The following BLTP1 variants were observed in gnomAD, a reference collection of about 807,000 sequenced individuals.
The protein encoded by BLTP1 is fragile site-associated protein.
the BLTP1 span, chr4:122,293,208 A>T: frequency 1.3e-5 from 13 of 978,656 alleles, no homozygotes; most frequent in Admixed American, 1.8e-4. Context: ...CCATATTTAT[A>T]CTATGAAATA....
the BLTP1 span, among the ~76,000 whole-genome samples, chr4:122,320,198 G>C: frequency 1.0e-3 from 155 of 152,206 alleles, 3 homozygotes; most frequent in South Asian, 0.031. Context: ...GCACAGGCTG[G>C]AGTGCAGTGG....
chr4:122,226,556 T>C, the BLTP1 span: 5 of 1,461,170 alleles, frequency 3.4e-6, no homozygotes, highest in Non-Finnish European at 3.6e-6. Flanking sequence ...TAGAAAAAAA[T>C]CATTGGCTAA....
At chr4:122,223,173 A>T in the BLTP1 span, 82 of 972,190 alleles carry the variant, frequency 8.4e-5, 1 homozygote, top group Admixed American at 2.5e-4. Flanking sequence ...GAGCTTCTAG[A>T]GTGATTATTG....
At chr4:122,349,139 C>A in the BLTP1 span, 19 of 1,592,978 alleles carry the variant, frequency 1.2e-5, no homozygotes, top group East Asian at 2.2e-4. The surrounding 1 kb of genome is among the most constrained non-coding windows in gnomAD (Gnocchi z 4.5). Context: ...TATATAATAA[C>A]CTTTTTTTCA....
chr4:122,170,612 T>C, the BLTP1 span: 3 of 1,522,480 alleles, frequency 2.0e-6, no homozygotes, highest in Non-Finnish European at 2.6e-6. Context: ...TGAAATCTTT[T>C]AGGCCTTTAG....
the BLTP1 span, among the ~76,000 whole-genome samples, chr4:122,269,934 C>T: frequency 6.6e-6 from 1 of 151,984 alleles, no homozygotes; most frequent in African/African-American, 2.4e-5. Flanking sequence ...TATGGTATAC[C>T]ATTTTCTTTT....
chr4:122,308,218 T>G, the BLTP1 span: 10 of 1,562,950 alleles, frequency 6.4e-6, no homozygotes, highest in East Asian at 2.2e-4. Context: ...ACATAACCAT[T>G]TCTAAGTATT....
the BLTP1 span, among the ~76,000 whole-genome samples, chr4:122,271,930 A>G: frequency 6.6e-6 from 1 of 152,118 alleles, no homozygotes. Context: ...CTTACGTGGT[A>G]TGTTCTTAAA....
the BLTP1 span, chr4:122,196,790 G>C: frequency 6.7e-7 from 1 of 1,494,116 alleles, no homozygotes; most frequent in Non-Finnish European, 9.2e-7. Context: ...ACCAAAAATA[G>C]GGTAATTATT....
the BLTP1 span, among the ~76,000 whole-genome samples, chr4:122,213,690 A>T: frequency 6.6e-6 from 1 of 152,178 alleles, no homozygotes; most frequent in Non-Finnish European, 1.5e-5. Flanking sequence ...CATTAAAAAA[A>T]TTCTAAGAAG....
At chr4:122,356,226 T>G in the BLTP1 span, among the ~76,000 whole-genome samples, 2 of 152,174 alleles carry the variant, frequency 1.3e-5, no homozygotes, top group East Asian at 3.8e-4. Context: ...AGGACTATTA[T>G]CAGGAATAAA....
chr4:122,274,106 G>A, the BLTP1 span, among the ~76,000 whole-genome samples: 1 of 152,002 alleles, frequency 6.6e-6, no homozygotes, highest in Non-Finnish European at 1.5e-5. Context: ...ATATTGAAGT[G>A]TATATTTTGC....
chr4:122,250,423 C>T, the BLTP1 span: 1 of 1,613,662 alleles, frequency 6.2e-7, no homozygotes. Flanking sequence ...AAGCTAGTGA[C>T]ACAGAAAGGG....
chr4:122,197,100 C>A, the BLTP1 span: 1 of 708,148 alleles, frequency 1.4e-6, no homozygotes, highest in South Asian at 2.6e-5. Context: ...ACTTACTTAA[C>A]ATCAATAATT....
chr4:122,209,144 A>G, the BLTP1 span: 17 of 1,594,430 alleles, frequency 1.1e-5, no homozygotes, highest in African/African-American at 2.2e-4. Flanking sequence ...TTGGCTTATT[A>G]TAATTATTTT....
the BLTP1 span, chr4:122,316,782 A>G: frequency 6.2e-7 from 1 of 1,613,382 alleles, no homozygotes; most frequent in Non-Finnish European, 8.5e-7. Context: ...AGCCGGGAGA[A>G]CTTAGAGGAA....
the BLTP1 span, chr4:122,182,599 G>A: frequency 6.2e-6 from 6 of 965,316 alleles, no homozygotes; most frequent in African/African-American, 5.3e-5. Context: ...GAGGAATAAG[G>A]CATTCACAGG....
the BLTP1 span, among the ~76,000 whole-genome samples, chr4:122,326,394 A>C: frequency 6.6e-6 from 1 of 151,774 alleles, no homozygotes; most frequent in Non-Finnish European, 1.5e-5. Flanking sequence ...AAGAATGAAT[A>C]GATCTTTTTT....
the BLTP1 span, chr4:122,331,281 A>G: frequency 1.3e-6 from 2 of 1,549,934 alleles, no homozygotes; most frequent in Non-Finnish European, 1.7e-6. Flanking sequence ...GTTAAAAAGA[A>G]CTCTCATTTT....
Sources: gnomAD v4.1 joint callset for allele counts (sites outside exome capture counted in the v4.1 genomes callset) on GRCh38, gnomAD v4.1.1 for gene constraint, Gnocchi (gnomAD v3.1) non-coding constraint, MANE v1.5 for transcripts, NCBI Gene and HGNC (gene_info 2026-07-23, HGNC 2026-07-21) for gene names.